KCNH5: variants seen among roughly 807,000 people sequenced by gnomAD.
The protein encoded by KCNH5 is voltage-gated delayed rectifier potassium channel KCNH5.
KCNH5 carries 46 observed loss-of-function variants against 96.1 expected under a neutral mutation model. The observed-to-expected ratio is 0.48, with a 90% confidence interval of 0.38 to 0.61. The LOEUF (loss-of-function observed/expected upper bound fraction) is 0.61, where lower values mean the gene tolerates loss of function less well. KCNH5 is among the 20% of genes least tolerant of loss of function. The pLI is 0.00. For synonymous variants in KCNH5, 439 were observed against 449.8 expected, an observed-to-expected ratio of 0.98 and a Z score of 0.30; for missense variants, 907 against 1,225.8, an observed-to-expected ratio of 0.74 and a Z score of 3.88.
chr14:62,738,677 T>C (rs1885209650), intron 10 of KCNH5, among the ~76,000 whole-genome samples: 1 of 152,148 alleles, frequency 6.6e-6, no homozygotes, highest in Non-Finnish European at 1.5e-5. Flanking sequence ...TGATATCAAC[T>C]CGATATTCAT....
chr14:62,720,131 G>A (rs1441465337), intron 10 of KCNH5, among the ~76,000 whole-genome samples: 2 of 152,194 alleles, frequency 1.3e-5, no homozygotes, highest in South Asian at 2.1e-4. Flanking sequence ...AGTGGGCCCT[G>A]GAGAGGGCTC....
intron 10 of KCNH5, among the ~76,000 whole-genome samples, chr14:62,750,074 A>C (rs1474493368): frequency 6.6e-6 from 1 of 152,166 alleles, no homozygotes; most frequent in African/African-American, 2.4e-5. Flanking sequence ...TAAATATTTT[A>C]CATGGGGGCA....
intron 6 of KCNH5, among the ~76,000 whole-genome samples, chr14:62,972,123 TA>T (rs1441377265): frequency 6.6e-6 from 1 of 152,028 alleles, no homozygotes; most frequent in Non-Finnish European, 1.5e-5. Context: ...TACTATCATC[TA>T]AAAACTAAAA....
At chr14:62,880,919 C>T (rs552351361) in intron 7 of KCNH5, among the ~76,000 whole-genome samples, 25 of 152,102 alleles carry the variant, frequency 1.6e-4, no homozygotes, top group Admixed American at 1.0e-3. Context: ...ACAAAGGTCC[C>T]GCATAGAGTG....
chr14:62,784,100 A>G (rs1169089878), intron 9 of KCNH5, among the ~76,000 whole-genome samples: 1 of 152,240 alleles, frequency 6.6e-6, no homozygotes, highest in East Asian at 1.9e-4. Context: ...ATTGACTCAC[A>G]GTTCTACATG....
chr14:62,981,257 T>C lies in KCNH5; in HGVS notation c.557A>G (p.Gln186Arg). ...HKHSRLAEVL[Q>R]LGSDILPQYK... Reference sequence around the variant, plus strand: ...CTGAGGAAGGATATCTGATCCCAGCTGAAGAACCTAAAAGAGAGAAAATGT... The same window carrying C: ...CTGAGGAAGGATATCTGATCCCAGCCGAAGAACCTAAAAGAGAGAAAATGT... Residue 186 changes from glutamine to arginine, a missense_variant, in exon 6 of 11, where the codon CAG (glutamine) becomes CGG (arginine). Physicochemically the swap from Gln to Arg is conservative, Grantham distance 43. Coordinates refer to ENST00000322893, the MANE Select transcript of KCNH5 (RefSeq NM_139318.5). 6.2e-7 allele frequency: 1 copy of C among 1,613,962 alleles called. No homozygotes were observed.
At chr14:62,833,539 A>G (rs919959580) in intron 8 of KCNH5, among the ~76,000 whole-genome samples, 4 of 152,006 alleles carry the variant, frequency 2.6e-5, no homozygotes, top group Non-Finnish European at 5.9e-5. Flanking sequence ...TCTAGTTTGT[A>G]AAATATTTTG....
At chr14:62,724,984 T>G (rs1046008059) in intron 10 of KCNH5, among the ~76,000 whole-genome samples, 1 of 152,238 alleles carries the variant, frequency 6.6e-6, no homozygotes, top group African/African-American at 2.4e-5. Flanking sequence ...GCTGTCATCA[T>G]TGGAAAGTCT....
intron 6 of KCNH5, among the ~76,000 whole-genome samples, chr14:62,972,806 C>A (rs1283969958): frequency 6.6e-6 from 1 of 151,914 alleles, no homozygotes; most frequent in Non-Finnish European, 1.5e-5. Flanking sequence ...TTAGAGAAGG[C>A]AAAACTATGG....
rs1170247038 is a variant in KCNH5 at position 62,703,797 on chromosome 14, C to T, written c.*3711G>A. On this transcript the variant is annotated 3_prime_UTR_variant, in exon 11 of 11. Coordinates refer to ENST00000322893, the MANE Select transcript of KCNH5 (RefSeq NM_139318.5). ...TATGCACATTCTAGATAAATGTTCT[C>T]ATTACCTACATGGAATTTTGGAAAA... The T allele has an allele frequency of 6.6e-6, 1 of 151,772 alleles. No individual in the cohort carries two copies. Among genetic ancestry groups the T allele is most frequent in the Non-Finnish European group, 1.5e-5 (1 of 67,768 alleles). 9.4% of individuals were successfully genotyped at this position (151,772 alleles called of 1,614,324 possible). A position where few individuals can be genotyped will look rare whatever the true frequency, so the allele number is the denominator to read the frequency against.
chr14:62,799,726 T>TATATATACACACAC (rs1213484157), intron 9 of KCNH5, among the ~76,000 whole-genome samples: 7 of 68,654 alleles, frequency 1.0e-4, no homozygotes, highest in South Asian at 7.3e-4. Context: ...TATATATATA[T>TATATATACACACAC]ACACACACAC....
At chr14:62,892,161 T>C (rs1175131751) in intron 7 of KCNH5, among the ~76,000 whole-genome samples, 1 of 152,166 alleles carries the variant, frequency 6.6e-6, no homozygotes, top group Admixed American at 6.6e-5. Context: ...ATAAGCCAAG[T>C]TGTGAATGCA....
At chr14:62,945,780 T>C (rs1889875711) in intron 7 of KCNH5, among the ~76,000 whole-genome samples, 1 of 151,930 alleles carries the variant, frequency 6.6e-6, no homozygotes, top group East Asian at 2.0e-4. Flanking sequence ...TTATAAGCAA[T>C]GGGAAAGCAA....
chr14:62,980,808 T>C (rs777912546), intron 6 of KCNH5, 64 bp downstream of exon 6: 9 of 1,529,096 alleles, frequency 5.9e-6, no homozygotes, highest in Non-Finnish European at 7.9e-6. Flanking sequence ...GTGGAATCCA[T>C]TTATCCTGAT....
intron 4 of KCNH5, among the ~76,000 whole-genome samples, chr14:62,994,866 C>A (rs1324056357): frequency 6.6e-6 from 1 of 152,024 alleles, no homozygotes; most frequent in African/African-American, 2.4e-5. Flanking sequence ...ATATAAAATT[C>A]TTGGCATACA....
chr14:62,771,347 C>T (rs1885981218), intron 10 of KCNH5, among the ~76,000 whole-genome samples: 1 of 152,142 alleles, frequency 6.6e-6, no homozygotes, highest in African/African-American at 2.4e-5. Flanking sequence ...TGAGTCTAGG[C>T]CAGGCGCGGT....
chr14:62,926,798 CA>C (rs1238242873), intron 7 of KCNH5, among the ~76,000 whole-genome samples: 1 of 152,078 alleles, frequency 6.6e-6, no homozygotes, highest in Non-Finnish European at 1.5e-5. Context: ...CATACAGTCA[CA>C]TGAAGGGTTG....
chr14:62,708,347 A>T lies in KCNH5; in HGVS notation c.2128T>A (p.Phe710Ile). 1 of 1,613,970 alleles carries T rather than the reference A, an allele frequency of 6.2e-7. No individual in the cohort carries two copies. The highest frequency in any genetic ancestry group is 8.5e-7 in the Non-Finnish European group (1 of 1,179,934). ...IPVDHPVRKL[F>I]QKFKQQKELR... The stretch of plus-strand genomic sequence containing the variant: ...TCCTTCTGCTGCTTGAACTTCTGGA[A>T]GAGCTTTCTGACTGGGTGGTCCACG... Residue 710 changes from phenylalanine to isoleucine, a missense_variant, in exon 11 of 11, where the codon TTC becomes ATC. This residue lies in a region of KCNH5 where 362 missense variants were observed against 394.4 expected (regional missense o/e 0.92). Transcript: ENST00000322893.
chr14:62,729,285 C>T (rs1566641494), intron 10 of KCNH5, among the ~76,000 whole-genome samples: 1 of 152,178 alleles, frequency 6.6e-6, no homozygotes, highest in African/African-American at 2.4e-5. Flanking sequence ...CTCTAAACTC[C>T]AGATTCTTAT....
Sources: gnomAD v4.1 joint callset for allele counts (sites outside exome capture counted in the v4.1 genomes callset) on GRCh38, gnomAD v4.1.1 for gene constraint, gnomAD v4.1.1 regional missense constraint, MANE v1.5 for transcripts, NCBI Gene and HGNC (gene_info 2026-07-23, HGNC 2026-07-21) for gene names.